GPD1L: variants seen among roughly 807,000 people sequenced by gnomAD.
The protein encoded by GPD1L is glycerol-3-phosphate dehydrogenase 1 like.
A neutral mutation model predicts 32.9 loss-of-function variants in GPD1L; 17 were observed. The ratio of observed to expected loss-of-function variants is 0.52; its 90% confidence interval spans 0.35 to 0.78. GPD1L has a LOEUF of 0.78. Among genes scored for constraint, GPD1L ranks in the 30% least tolerant of loss-of-function variants. GPD1L has a pLI of 0.01. For synonymous variants in GPD1L, 187 were observed against 165.9 expected, an observed-to-expected ratio of 1.13 and a Z score of -0.98; for missense variants, 361 against 447.8, an observed-to-expected ratio of 0.81 and a Z score of 1.75.
rs768331840 is a variant in GPD1L at position 32,138,640 on chromosome 3, TG to T, written c.280del (p.Val94SerfsTer31). ...TGCAGGATGCAGACCTGCTGGTGTT[TG>T]TCATTCCCCACCAGTTCATTCACAG... is the stretch of plus-strand genomic sequence containing the variant. ...AVQDADLLVF[V>X]IPHQFIHRIC... is the part of the protein sequence containing the mutation. On this transcript the variant is annotated frameshift_variant, in exon 3 of 8. Transcript: ENST00000282541. LOFTEE classifies it high-confidence loss of function. The T allele has an allele frequency of 3.7e-6, 6 of 1,613,842 alleles. No individual in the cohort carries two copies. Among genetic ancestry groups the T allele is most frequent in the Non-Finnish European group, 5.1e-6 (6 of 1,179,732 alleles).
At chr3:32,154,949 A>G (rs752600206) in intron 5 of GPD1L, among the ~76,000 whole-genome samples, 3 of 152,016 alleles carry the variant, frequency 2.0e-5, no homozygotes, top group Non-Finnish European at 2.9e-5. Flanking sequence ...GGGTTTCACT[A>G]TGTTGCCCAG....
chr3:32,127,623 C>T (rs1031826731), intron 1 of GPD1L, among the ~76,000 whole-genome samples: 12 of 152,196 alleles, frequency 7.9e-5, no homozygotes, highest in Admixed American at 2.0e-4. Flanking sequence ...CCTGCGCTCT[C>T]CCTTTGCTCC....
intron 7 of GPD1L, among the ~76,000 whole-genome samples, chr3:32,161,380 A>C (rs1701071816): frequency 6.6e-6 from 1 of 152,204 alleles, no homozygotes; most frequent in African/African-American, 2.4e-5. Flanking sequence ...TAAAAGGAAA[A>C]TGCCTCTGAC....
chr3:32,119,902 C>G (rs1006588372), intron 1 of GPD1L, among the ~76,000 whole-genome samples: 1 of 152,126 alleles, frequency 6.6e-6, no homozygotes, highest in Non-Finnish European at 1.5e-5. Flanking sequence ...GAAGGATGGA[C>G]TGTAGGGTCC....
chr3:32,165,539 C>T (rs1185620162), intron 7 of GPD1L, among the ~76,000 whole-genome samples: 1 of 152,186 alleles, frequency 6.6e-6, no homozygotes, highest in Non-Finnish European at 1.5e-5. Context: ...ATGTAAATGA[C>T]AACAGTTTGC....
chr3:32,155,435 C>A (rs1700974699), intron 5 of GPD1L, among the ~76,000 whole-genome samples: 2 of 152,294 alleles, frequency 1.3e-5, no homozygotes, highest in Admixed American at 1.3e-4. Flanking sequence ...AACAGAAGTC[C>A]ATGTTCTCTC....
chr3:32,127,802 G>A (rs957255244), intron 1 of GPD1L, among the ~76,000 whole-genome samples: 2 of 152,128 alleles, frequency 1.3e-5, no homozygotes, highest in African/African-American at 2.4e-5. Context: ...TGCCTGTGAC[G>A]TTGTCTTCCA....
At chr3:32,142,855 C>T (rs1202805766) in intron 4 of GPD1L, among the ~76,000 whole-genome samples, 1 of 151,990 alleles carries the variant, frequency 6.6e-6, no homozygotes, top group Non-Finnish European at 1.5e-5. Flanking sequence ...TGCTTCTATG[C>T]CTTCTCTGTG....
chr3:32,111,134 G>T (rs539350093), intron 1 of GPD1L, among the ~76,000 whole-genome samples: 1 of 152,352 alleles, frequency 6.6e-6, no homozygotes, highest in East Asian at 1.9e-4. Context: ...CCAAAGTGCT[G>T]GGATTATAGG....
At chr3:32,148,210 G>T (rs997075450) in intron 5 of GPD1L, among the ~76,000 whole-genome samples, 7 of 152,200 alleles carry the variant, frequency 4.6e-5, no homozygotes, top group African/African-American at 7.2e-5. Flanking sequence ...TGTTTTTGGT[G>T]GTCATGGAGA....
At chr3:32,160,643 G>A (rs1384650469) in intron 7 of GPD1L, among the ~76,000 whole-genome samples, 1 of 151,046 alleles carries the variant, frequency 6.6e-6, no homozygotes, top group African/African-American at 2.4e-5. Flanking sequence ...GGTGGGATGG[G>A]TGAATGGATG....
chr3:32,158,318 G>C, intron 5 of GPD1L: 2 of 161,024 alleles, frequency 1.2e-5, no homozygotes, highest in South Asian at 3.5e-4. Context: ...AAGTTGAAAG[G>C]CAGGTAAAAC....
chr3:32,151,105 T>C (rs1559580482), intron 5 of GPD1L: 9 of 459,048 alleles, frequency 2.0e-5, no homozygotes, highest in Non-Finnish European at 3.9e-5. Context: ...TCATAGAGAA[T>C]AAGTCCCAGC....
At chr3:32,145,823 G>A (rs1382225882) in intron 4 of GPD1L, among the ~76,000 whole-genome samples, 1 of 152,206 alleles carries the variant, frequency 6.6e-6, no homozygotes, top group Non-Finnish European at 1.5e-5. Flanking sequence ...TCAGCTAAAT[G>A]AAAGAACAGT....
intron 4 of GPD1L, among the ~76,000 whole-genome samples, chr3:32,144,521 A>G (rs1700792238): frequency 6.6e-6 from 1 of 152,188 alleles, no homozygotes; most frequent in African/African-American, 2.4e-5. Flanking sequence ...ACATAGGTTA[A>G]TTGCCTCTAA....
Position 32,140,330 on chromosome 3 carries a change from G to A in GPD1L, c.469G>A (p.Glu157Lys). 6.2e-7 allele frequency: 1 copy of A among 1,614,192 alleles called. No individual in the cohort carries two copies. Among genetic ancestry groups the A allele is most frequent in the East Asian group, 2.2e-5 (1 of 44,880 alleles). Reference sequence around the variant, plus strand: ...GCTGATGGGAGCCAACATTGCCAATGAGGTGGCTGCAGAGAAGTTCTGTGA... The same window carrying A: ...GCTGATGGGAGCCAACATTGCCAATAAGGTGGCTGCAGAGAAGTTCTGTGA... ...SVLMGANIAN[E>K]VAAEKFCETT... Residue 157 changes from glutamate to lysine, a missense_variant, in exon 4 of 8, where the codon GAG (glutamate) becomes AAG (lysine). Transcript: ENST00000282541.
chr3:32,119,079 G>T (rs1391890065), intron 1 of GPD1L, among the ~76,000 whole-genome samples: 1 of 152,182 alleles, frequency 6.6e-6, no homozygotes, highest in Non-Finnish European at 1.5e-5. Flanking sequence ...ATGAACATGG[G>T]TGTACAAATA....
At chr3:32,140,575 A>G (rs2125486514) in intron 4 of GPD1L, among the ~76,000 whole-genome samples, 2 of 152,364 alleles carry the variant, frequency 1.3e-5, no homozygotes, top group South Asian at 4.1e-4. Context: ...AATATAAATG[A>G]ATATAGCCAA....
chr3:32,120,392 C>G (rs73824541), intron 1 of GPD1L, among the ~76,000 whole-genome samples: 19,527 of 152,132 alleles, frequency 0.13, 1,677 homozygotes, highest in East Asian at 0.26. Flanking sequence ...AGAAATTTGA[C>G]AGTGTTCATA....
Sources: allele counts gnomAD v4.1 joint callset (sites outside exome capture counted in the v4.1 genomes callset), GRCh38; gene constraint gnomAD v4.1.1; transcripts MANE v1.5; gene names NCBI Gene and HGNC (gene_info 2026-07-23, HGNC 2026-07-21).